Variants in KCNMA1 observed in about 807,000 individuals in gnomAD.
KCNMA1 encodes the protein Calcium-activated potassium channel subunit alpha-1.
Under a neutral mutation model 140.0 loss-of-function variants are expected in KCNMA1, and 29 were observed. That is an observed-to-expected ratio of 0.21 (90% CI 0.15 to 0.28). The LOEUF is 0.28. Ranked by LOEUF, KCNMA1 falls within the 10% of genes least tolerant of loss-of-function variation. The pLI is 1.00. For synonymous variants in KCNMA1, 612 were observed against 611.9 expected (o/e 1.00, Z 0.00); for missense variants, 880 against 1,602.2 (o/e 0.55, Z 7.70).
chr10:77,463,585 C>T (rs1376188101), intron 1 of KCNMA1, among the ~76,000 whole-genome samples: 1 of 152,158 alleles, frequency 6.6e-6, no homozygotes, highest in African/African-American at 2.4e-5. Flanking sequence ...ACTAGGTTAG[C>T]ACTCAGGGTG....
intron 9 of KCNMA1, among the ~76,000 whole-genome samples, chr10:77,106,871 G>A (rs997735495): frequency 4.6e-5 from 7 of 152,202 alleles, no homozygotes; most frequent in African/African-American, 1.2e-4. Flanking sequence ...ATCCAGGGCT[G>A]TTAAGATAAT....
intron 3 of KCNMA1, among the ~76,000 whole-genome samples, chr10:77,235,479 G>A (rs781376286): frequency 6.6e-6 from 1 of 152,132 alleles, no homozygotes; most frequent in East Asian, 1.9e-4. Flanking sequence ...CTGGTCACCC[G>A]GAGGTGGCAG....
At chr10:77,182,409 G>A (rs1466030402) in intron 5 of KCNMA1, among the ~76,000 whole-genome samples, 1 of 152,126 alleles carries the variant, frequency 6.6e-6, no homozygotes, top group East Asian at 1.9e-4. Context: ...CCAAATTGTG[G>A]TGCAATGTAA....
At chr10:77,211,016 T>G (rs911170678) in intron 3 of KCNMA1, among the ~76,000 whole-genome samples, 1 of 152,202 alleles carries the variant, frequency 6.6e-6, no homozygotes, top group African/African-American at 2.4e-5. Context: ...TTCAACACTA[T>G]TCCTATCAAA....
chr10:77,442,278 G>A (rs982763313), intron 1 of KCNMA1, among the ~76,000 whole-genome samples: 7 of 152,098 alleles, frequency 4.6e-5, no homozygotes, highest in East Asian at 1.9e-4. Context: ...CCAGAGCCAG[G>A]AGGTGAGCAG....
intron 15 of KCNMA1, among the ~76,000 whole-genome samples, chr10:77,034,066 A>T (rs915191882): frequency 1.6e-4 from 24 of 152,136 alleles, no homozygotes; most frequent in Middle Eastern, 3.4e-3. Context: ...ACATGGTGAA[A>T]CCCCGTATCT....
rs189714103 is a variant in KCNMA1, at chr10:76,941,759, T to G, written c.2902+3014A>C. 4.6e-5 allele frequency among the ~76,000 whole-genome samples: 7 copies of G among 152,256 alleles called. No homozygotes were observed. In the East Asian group the frequency reaches 1.4e-3, roughly 30 times the overall value. On this transcript the variant is annotated intron_variant, in intron 23 of 27. Transcript: ENST00000286628. Reference sequence around the variant, plus strand: ...GCCTTCTTCTGTCATTTGTGCGGTCTTAGTCCATTTGGGCTCCTGTAACAA... The same window carrying G: ...GCCTTCTTCTGTCATTTGTGCGGTCGTAGTCCATTTGGGCTCCTGTAACAA...
rs78221327 is a variant in KCNMA1, at chr10:77,613,735, G to A, written c.378+23530C>T. Among the ~76,000 whole-genome samples the A allele has an allele frequency of 4.6e-5, 7 of 152,340 alleles. No individual in the cohort carries two copies. In the East Asian group the frequency reaches 1.4e-3, roughly 29 times the overall value. Reference sequence around the variant, plus strand: ...ACTTGCTGCAGTTCGGTTCAGCACAGGGCAATGAGGAACTTGGCTCCTCTC... The same window carrying A: ...ACTTGCTGCAGTTCGGTTCAGCACAAGGCAATGAGGAACTTGGCTCCTCTC... On this transcript the variant is annotated intron_variant, in intron 1 of 27. Coordinates refer to ENST00000286628, the MANE Select transcript of KCNMA1 (RefSeq NM_001161352.2).
At chr10:77,096,775 G>T (rs935855775) in intron 9 of KCNMA1, among the ~76,000 whole-genome samples, 27 of 152,134 alleles carry the variant, frequency 1.8e-4, no homozygotes, top group Non-Finnish European at 8.8e-5. Context: ...GGCACATATT[G>T]ATCTAGATGT....
chr10:77,280,840 G>C (rs1324433543), intron 2 of KCNMA1, among the ~76,000 whole-genome samples: 1 of 152,052 alleles, frequency 6.6e-6, no homozygotes, highest in African/African-American at 2.4e-5. Flanking sequence ...GTCCTCAACT[G>C]GTTATAACAT....
At chr10:77,183,313 T>TA (rs1309027766) in intron 5 of KCNMA1, 108 bp downstream of exon 5, 1 of 777,396 alleles carries the variant, frequency 1.3e-6, no homozygotes, top group African/African-American at 1.7e-5. Flanking sequence ...TTCACATTAA[T>TA]ACATACAACA....
intron 1 of KCNMA1, among the ~76,000 whole-genome samples, chr10:77,621,903 C>A (rs1603638828): frequency 6.6e-6 from 1 of 152,100 alleles, no homozygotes; most frequent in Non-Finnish European, 1.5e-5. Context: ...TAGTGTTTTT[C>A]TCCAAAACTT....
intron 3 of KCNMA1, among the ~76,000 whole-genome samples, chr10:77,236,907 G>A (rs920107777): frequency 6.6e-6 from 1 of 152,332 alleles, no homozygotes; most frequent in Admixed American, 6.5e-5. Flanking sequence ...AGCCTCCTGA[G>A]TAGCTGGGAT....
Position 77,442,105 on chromosome 10 carries a change from G to A in KCNMA1, c.379-38082C>T, listed in dbSNP as rs367613171. Among the ~76,000 whole-genome samples, 9 of 152,254 alleles carry A rather than the reference G, an allele frequency of 5.9e-5. No homozygotes were observed. The East Asian group carries it at 1.4e-3, about 23-fold the overall frequency. ...ATCACCCAGGAGACTCGAAAGGTCC[G>A]TTTGCTTTAGGCATGTCCTTGCCTA... On this transcript the variant is annotated intron_variant, in intron 1 of 27. Coordinates refer to ENST00000286628, the MANE Select transcript of KCNMA1 (RefSeq NM_001161352.2).
chr10:77,100,787 C>T (rs1375793852), intron 9 of KCNMA1, among the ~76,000 whole-genome samples: 1 of 152,194 alleles, frequency 6.6e-6, no homozygotes, highest in Non-Finnish European at 1.5e-5. Flanking sequence ...GGCAAGGATT[C>T]ACCCAATCAA....
intron 2 of KCNMA1, among the ~76,000 whole-genome samples, chr10:77,376,082 A>G (rs2095081934): frequency 6.6e-6 from 1 of 152,250 alleles, no homozygotes; most frequent in African/African-American, 2.4e-5. Context: ...ATCCAGAGTT[A>G]AAACTCAGAC....
chr10:77,155,600 G>A (rs1333868642), intron 5 of KCNMA1, among the ~76,000 whole-genome samples: 1 of 152,038 alleles, frequency 6.6e-6, no homozygotes, highest in Non-Finnish European at 1.5e-5. Context: ...TGCTGCCCCC[G>A]AGATTTCATT....
chr10:77,079,349 C>T (rs1390488298), intron 13 of KCNMA1, 132 bp downstream of exon 13: 20 of 709,802 alleles, frequency 2.8e-5, no homozygotes, highest in African/African-American at 1.6e-4. Context: ...CTTTGAGTTG[C>T]GCACATGTGG....
chr10:77,542,841 C>T (rs2154555318), intron 1 of KCNMA1, among the ~76,000 whole-genome samples: 1 of 152,196 alleles, frequency 6.6e-6, no homozygotes, highest in African/African-American at 2.4e-5. Context: ...ATTGCTGAGG[C>T]CAAAATCTTT....
Sources: allele counts gnomAD v4.1 joint callset (sites outside exome capture counted in the v4.1 genomes callset), GRCh38; gene constraint gnomAD v4.1.1; transcripts MANE v1.5; gene names NCBI Gene and HGNC (gene_info 2026-07-23, HGNC 2026-07-21).